Variants in HS3ST5 observed in about 807,000 individuals in gnomAD.
The protein encoded by HS3ST5 is heparan sulfate-glucosamine 3-sulfotransferase 5, also known as heparan sulfate glucosamine 3-O-sulfotransferase 5.
HS3ST5 carries 10 observed loss-of-function variants against 25.4 expected under a neutral mutation model. That is an observed-to-expected ratio of 0.39 (90% CI 0.24 to 0.67). The LOEUF (loss-of-function observed/expected upper bound fraction) is 0.67. HS3ST5 is among the 30% of genes least tolerant of loss of function. The probability of loss-of-function intolerance (pLI) is 0.44; values close to 1 mark genes in which losing one functional copy is unlikely to be tolerated. For missense variants in HS3ST5, 324 were observed against 420.7 expected, an observed-to-expected ratio of 0.77 and a Z score of 2.01; for synonymous variants, 170 against 162.4, an observed-to-expected ratio of 1.05 and a Z score of -0.36.
Position 114,062,943 on chromosome 6 carries a change from A to G in HS3ST5, c.-32-66T>C, listed in dbSNP as rs79013776. On this transcript the variant is annotated intron_variant, in intron 3 of 4. Coordinates refer to ENST00000312719, the MANE Select transcript of HS3ST5 (RefSeq NM_153612.4). ...TCTGTTGGTTGTCACAGAGCTAAGC[A>G]GAGGTGGAAGACAGGTGATAAGTGA... 1,831 of 848,612 alleles carry G rather than the reference A, an allele frequency of 2.2e-3. 47 individuals carry two copies. In the East Asian group the frequency reaches 0.043, roughly 20 times the overall value. 52.6% of individuals were successfully genotyped at this position (848,612 alleles called of 1,614,324 possible).
At chr6:114,297,297 G>A (rs532200717) in intron 1 of HS3ST5, among the ~76,000 whole-genome samples, 9 of 152,166 alleles carry the variant, frequency 5.9e-5, no homozygotes, top group East Asian at 1.9e-4. Context: ...ACAGGGCTCC[G>A]GTTTAGAGGG....
chr6:114,063,837 A>G (rs1251134022), intron 3 of HS3ST5, among the ~76,000 whole-genome samples: 2 of 152,062 alleles, frequency 1.3e-5, no homozygotes, highest in Admixed American at 6.6e-5. Context: ...ACATGTTCGG[A>G]CTAGATGCTT....
intron 3 of HS3ST5, among the ~76,000 whole-genome samples, chr6:114,131,567 T>G (rs1261422621): frequency 6.6e-6 from 1 of 152,196 alleles, no homozygotes; most frequent in Non-Finnish European, 1.5e-5. Flanking sequence ...ATATCATGAT[T>G]AAAAAGTTGG....
At chr6:114,169,624 A>C (rs1779379022) in intron 2 of HS3ST5, among the ~76,000 whole-genome samples, 1 of 152,240 alleles carries the variant, frequency 6.6e-6, no homozygotes, top group Non-Finnish European at 1.5e-5. Flanking sequence ...TGCTGACCTC[A>C]GTATGAAACA....
intron 2 of HS3ST5, among the ~76,000 whole-genome samples, chr6:114,177,179 A>AT (rs765063784): frequency 3.9e-5 from 6 of 152,132 alleles, no homozygotes; most frequent in Admixed American, 6.6e-5. Flanking sequence ...ATAATCTTGC[A>AT]TTTTTTTTAT....
rs745736233 is a variant in HS3ST5, at chr6:114,308,198, T to TA, written c.-339+33996dup. ...AATATCTTAAGCATAAATTGAATTT[T>TA]AAAAAATTATCTCTGGAGCATAAGT... is the stretch of plus-strand genomic sequence containing the variant. On this transcript the variant is annotated intron_variant, in intron 1 of 4. Coordinates refer to ENST00000312719, the MANE Select transcript of HS3ST5 (RefSeq NM_153612.4). Among the ~76,000 whole-genome samples the TA allele has an allele frequency of 2.2e-4, 33 of 152,272 alleles. 1 individual carries two copies. Among genetic ancestry groups the TA allele is most frequent in the South Asian group, 4.2e-4 (2 of 4,814 alleles).
chr6:114,220,443 G>T (rs1159474070), intron 2 of HS3ST5, among the ~76,000 whole-genome samples: 1 of 151,878 alleles, frequency 6.6e-6, no homozygotes, highest in Admixed American at 6.6e-5. Flanking sequence ...CCCATATGAG[G>T]TTTCAAAGAG....
At chr6:114,181,662 T>C (rs1319147691) in intron 2 of HS3ST5, among the ~76,000 whole-genome samples, 4 of 152,218 alleles carry the variant, frequency 2.6e-5, no homozygotes, top group Non-Finnish European at 5.9e-5. Context: ...ATTGGTGTGG[T>C]AGGAAATCCT....
At chr6:114,191,571 G>T (rs1353361969) in intron 2 of HS3ST5, among the ~76,000 whole-genome samples, 1 of 152,166 alleles carries the variant, frequency 6.6e-6, no homozygotes, top group African/African-American at 2.4e-5. Context: ...ATGGATGCTG[G>T]CTAAGTGGCA....
Position 114,057,881 on chromosome 6 carries a change from A to G in HS3ST5, c.417T>C (p.Tyr139=), listed in dbSNP as rs1582547644. The change falls in exon 5 of 5, where the codon TAT becomes TAC. Residue 139 remains tyrosine (Y), a synonymous_variant. Transcript: ENST00000312719. ...GGTAGGAAAAAGGCATCTTTTTCCT[A>G]TACCACTCAATGCCCTTACCATAAT... ...DENYGKGIEW[Y]RKKMPFSYPQ... 1 of 1,614,162 alleles carries G rather than the reference A, an allele frequency of 6.2e-7. No homozygotes were observed. The highest frequency in any genetic ancestry group is 8.5e-7 in the Non-Finnish European group (1 of 1,180,016).
rs558305057 is a variant in HS3ST5, at chr6:114,056,989, T to C, written c.*268A>G. The C allele has an allele frequency of 1.5e-3, 526 of 342,332 alleles. 1 individual carries two copies. The highest frequency in any genetic ancestry group is 2.2e-3 in the Non-Finnish European group (409 of 189,658). 21.2% of individuals were successfully genotyped at this position (342,332 alleles called of 1,614,324 possible). On this transcript the variant is annotated 3_prime_UTR_variant, in exon 5 of 5. Transcript: ENST00000312719. ...CAAAGGAAGACTAACTCTTTGAGAA[T>C]AGCTGAAGTCACTTTCCCCCAATAC... is the stretch of plus-strand genomic sequence containing the variant.
intron 1 of HS3ST5, among the ~76,000 whole-genome samples, chr6:114,290,907 ATTATT>A (rs1427849210): frequency 6.6e-6 from 1 of 151,902 alleles, no homozygotes; most frequent in Non-Finnish European, 1.5e-5. Flanking sequence ...TAAACAATCT[ATTATT>A]TAATTTGTTT....
chr6:114,229,964 T>C (rs1479467569), intron 1 of HS3ST5, among the ~76,000 whole-genome samples: 1 of 152,166 alleles, frequency 6.6e-6, no homozygotes, highest in African/African-American at 2.4e-5. Context: ...TTCTTGCTGA[T>C]AGAGGCATTT....
chr6:114,147,663 C>T (rs560614105), intron 3 of HS3ST5, among the ~76,000 whole-genome samples: 3 of 152,290 alleles, frequency 2.0e-5, no homozygotes, highest in East Asian at 3.9e-4. Context: ...TCACTGCAAC[C>T]TCTGCCTCCT....
intron 1 of HS3ST5, among the ~76,000 whole-genome samples, chr6:114,292,432 T>G (rs1053426813): frequency 3.6e-4 from 55 of 152,256 alleles, no homozygotes; most frequent in African/African-American, 1.3e-3. Context: ...CATTAATCCA[T>G]TCAGCTTCTC....
chr6:114,305,072 T>C (rs1054189531), intron 1 of HS3ST5, among the ~76,000 whole-genome samples: 17 of 152,162 alleles, frequency 1.1e-4, no homozygotes, highest in Non-Finnish European at 8.8e-5. Flanking sequence ...TAAAATTCAC[T>C]GGCCTATCTT....
At chr6:114,125,139 A>AT (rs898279672) in intron 3 of HS3ST5, among the ~76,000 whole-genome samples, 93 of 151,390 alleles carry the variant, frequency 6.1e-4, no homozygotes, top group African/African-American at 1.4e-3. Flanking sequence ...AAATTAAATG[A>AT]TTTTTTTTAA....
At chr6:114,209,953 A>G (rs1339861431) in intron 2 of HS3ST5, among the ~76,000 whole-genome samples, 1 of 152,180 alleles carries the variant, frequency 6.6e-6, no homozygotes, top group Non-Finnish European at 1.5e-5. Context: ...GGGCTTTTTA[A>G]AAAAATCTAT....
intron 1 of HS3ST5, among the ~76,000 whole-genome samples, chr6:114,332,591 A>G (rs1776445943): frequency 6.6e-6 from 1 of 152,094 alleles, no homozygotes; most frequent in Admixed American, 6.6e-5. Context: ...TATAATCCAG[A>G]CACTATGCTA....
Sources: allele counts gnomAD v4.1 joint callset (sites outside exome capture counted in the v4.1 genomes callset), GRCh38; gene constraint gnomAD v4.1.1; transcripts MANE v1.5; gene names NCBI Gene and HGNC (gene_info 2026-07-23, HGNC 2026-07-21).